FOXO3: variants seen among roughly 807,000 people sequenced by gnomAD.
FOXO3 encodes the protein forkhead box O3.
FOXO3 carries 4 observed loss-of-function variants against 41.9 expected under a neutral mutation model. The observed-to-expected ratio is 0.10, with a 90% CI of 0.05 to 0.22. FOXO3 has a LOEUF of 0.22. Ranked by LOEUF, FOXO3 falls within the 10% of genes least tolerant of loss-of-function variation. The probability of loss-of-function intolerance (pLI) is 1.00; values close to 1 mark genes in which losing one functional copy is unlikely to be tolerated. For missense variants in FOXO3, 534 were observed against 906.8 expected (o/e 0.59, Z 5.28); for synonymous variants, 318 against 389.3 (o/e 0.82, Z 2.16).
At chr6:108,589,193 TAAAG>T (rs1776666010) in intron 1 of FOXO3, among the ~76,000 whole-genome samples, 1 of 152,146 alleles carries the variant, frequency 6.6e-6, no homozygotes, top group African/African-American at 2.4e-5. Flanking sequence ...TTTTTGAAAA[TAAAG>T]AAAAAATCTA....
intron 1 of FOXO3, among the ~76,000 whole-genome samples, chr6:108,643,466 T>G (rs778299801): frequency 6.6e-6 from 1 of 152,128 alleles, no homozygotes. Context: ...TGTTCCAAAG[T>G]GAATGTGAAG....
chr6:108,577,770 T>G (rs952694927), intron 1 of FOXO3, among the ~76,000 whole-genome samples: 7 of 152,226 alleles, frequency 4.6e-5, no homozygotes, highest in African/African-American at 1.7e-4. Context: ...AGCCCTCTCC[T>G]CCATAGGAAG....
chr6:108,592,667 T>C (rs185139576), intron 1 of FOXO3, among the ~76,000 whole-genome samples: 49 of 152,298 alleles, frequency 3.2e-4, no homozygotes, highest in East Asian at 1.5e-3. Context: ...GGCTGGGTGT[T>C]CCTCAGATCA....
chr6:108,648,054 A>G (rs999043165), intron 1 of FOXO3, among the ~76,000 whole-genome samples: 1 of 152,216 alleles, frequency 6.6e-6, no homozygotes, highest in Non-Finnish European at 1.5e-5. Context: ...ACTTTACAAC[A>G]GCAAAGTCAC....
intron 1 of FOXO3, among the ~76,000 whole-genome samples, chr6:108,652,574 A>C (rs974929081): frequency 1.3e-5 from 2 of 152,236 alleles, no homozygotes; most frequent in African/African-American, 4.8e-5. Flanking sequence ...TTTTGAAGTT[A>C]GCCTCAGGCT....
intron 1 of FOXO3, among the ~76,000 whole-genome samples, chr6:108,567,774 C>T (rs551508242): frequency 8.5e-5 from 13 of 152,160 alleles, no homozygotes; most frequent in Non-Finnish European, 1.8e-4. Flanking sequence ...AGGCCAGGTG[C>T]GGTGGCTCAT....
chr6:108,655,667 A>C (rs1465159928), intron 1 of FOXO3, among the ~76,000 whole-genome samples: 1 of 152,182 alleles, frequency 6.6e-6, no homozygotes, highest in Non-Finnish European at 1.5e-5. Context: ...AGGGAAATTG[A>C]GGGCCTCTTC....
intron 2 of FOXO3, among the ~76,000 whole-genome samples, chr6:108,668,216 C>T (rs1046662121): frequency 1.3e-5 from 2 of 152,164 alleles, no homozygotes; most frequent in Non-Finnish European, 2.9e-5. Context: ...GTTAATGGAG[C>T]GGTCTGCTCA....
intron 1 of FOXO3, among the ~76,000 whole-genome samples, chr6:108,647,126 C>T (rs1271344571): frequency 6.6e-6 from 1 of 152,166 alleles, no homozygotes; most frequent in Non-Finnish European, 1.5e-5. Context: ...TTTTAAACCT[C>T]ATATATGAAT....
At chr6:108,580,796 A>G (rs1776396864) in intron 1 of FOXO3, among the ~76,000 whole-genome samples, 1 of 151,582 alleles carries the variant, frequency 6.6e-6, no homozygotes, top group Non-Finnish European at 1.5e-5. Flanking sequence ...GAACCCATAG[A>G]AAGAACAGAG....
At position 108,622,931 on chromosome 6, in the gene FOXO3, GAAA is replaced by G. The variant is rs534351537; in HGVS notation, c.622-40508_622-40506del. Among the ~76,000 whole-genome samples, 25 of 107,742 alleles carry G rather than the reference GAAA, an allele frequency of 2.3e-4. 1 individual carries two copies. Among genetic ancestry groups the G allele is most frequent in the African/African-American group, 3.5e-4 (10 of 28,366 alleles). The allele number at this position is 107,742 out of a possible 152,430, so 70.7% of individuals were successfully genotyped here. ...GAATTGTGCATAAGAGGGCCTTTTA[GAAA>G]AAAAAAAAAAAAAAAGCTGGAAGAG... On this transcript the variant is annotated intron_variant, in intron 1 of 2. Coordinates refer to ENST00000406360, the MANE Select transcript of FOXO3 (RefSeq NM_001455.4).
At chr6:108,646,593 A>C (rs1266357295) in intron 1 of FOXO3, among the ~76,000 whole-genome samples, 1 of 152,208 alleles carries the variant, frequency 6.6e-6, no homozygotes, top group Admixed American at 6.5e-5. Context: ...CAGATTTTAA[A>C]CTTCTAAATG....
At chr6:108,593,377 G>A (rs1483317020) in intron 1 of FOXO3, among the ~76,000 whole-genome samples, 1 of 151,950 alleles carries the variant, frequency 6.6e-6, no homozygotes, top group Non-Finnish European at 1.5e-5. Flanking sequence ...TTCCTTTGCT[G>A]TGTATTTCTT....
At chr6:108,648,443 A>G (rs924950052) in intron 1 of FOXO3, among the ~76,000 whole-genome samples, 6 of 152,082 alleles carry the variant, frequency 3.9e-5, no homozygotes, top group African/African-American at 1.4e-4. Flanking sequence ...GGGTCTTCTC[A>G]CCCCTGCTCC....
intron 1 of FOXO3, among the ~76,000 whole-genome samples, chr6:108,608,307 T>C (rs1472632157): frequency 2.0e-5 from 3 of 152,230 alleles, no homozygotes; most frequent in Non-Finnish European, 4.4e-5. Context: ...GCTCTCACTT[T>C]ATTTAAAGAT....
intron 1 of FOXO3, among the ~76,000 whole-genome samples, chr6:108,612,642 T>C (rs1046008874): frequency 6.6e-6 from 1 of 151,932 alleles, no homozygotes; most frequent in Non-Finnish European, 1.5e-5. Flanking sequence ...ATTGTGCCAT[T>C]GCACTCCAGC....
intron 1 of FOXO3, among the ~76,000 whole-genome samples, chr6:108,565,869 T>C (rs1775934982): frequency 6.6e-6 from 1 of 152,242 alleles, no homozygotes; most frequent in South Asian, 2.1e-4. Context: ...GTTTTAAATT[T>C]TTTTTTAATT....
At chr6:108,671,939 C>T (rs1488192352) in intron 2 of FOXO3, among the ~76,000 whole-genome samples, 1 of 152,210 alleles carries the variant, frequency 6.6e-6, no homozygotes, top group Non-Finnish European at 1.5e-5. Context: ...CCATTAGCAT[C>T]TTTAAAGGAT....
chr6:108,665,878 A>T (rs1779044124), intron 2 of FOXO3, among the ~76,000 whole-genome samples: 1 of 151,276 alleles, frequency 6.6e-6, no homozygotes, highest in Admixed American at 6.6e-5. Flanking sequence ...GGGAGTACTT[A>T]CTCGTGTGCT....
Sources: gnomAD v4.1 joint callset for allele counts (sites outside exome capture counted in the v4.1 genomes callset) on GRCh38, gnomAD v4.1.1 for gene constraint, MANE v1.5 for transcripts, NCBI Gene and HGNC (gene_info 2026-07-23, HGNC 2026-07-21) for gene names.